Variants in CSF1R observed in about 807,000 individuals in gnomAD.
CSF1R encodes colony stimulating factor 1 receptor, also known as macrophage colony-stimulating factor 1 receptor.
CSF1R carries 40 observed loss-of-function variants against 110.0 expected under a neutral mutation model. The ratio of observed to expected loss-of-function variants is 0.36; its 90% CI spans 0.28 to 0.47. CSF1R has a LOEUF of 0.47. Among genes scored for constraint, CSF1R ranks in the 20% least tolerant of loss-of-function variants. The probability of loss-of-function intolerance (pLI) is 0.99; values close to 1 mark genes in which losing one functional copy is unlikely to be tolerated. For missense variants in CSF1R, 1,052 were observed against 1,253.0 expected, an observed-to-expected ratio of 0.84 and a Z score of 2.42; for synonymous variants, 523 against 503.4, an observed-to-expected ratio of 1.04 and a Z score of -0.52.
At position 150,061,950 on chromosome 5, in the gene CSF1R, G is replaced by A. The variant is rs990611414; in HGVS notation, c.1627-101C>T. 64 of 1,544,792 alleles carry A rather than the reference G, an allele frequency of 4.1e-5. 1 individual carries two copies. The highest frequency in any genetic ancestry group is 2.9e-4 in the Admixed American group (17 of 58,276). ...GCAGGGGTGTGGGCAGTCCCAAGGCGCCCAGTGGGAGAAGGCAGGGCAAGG... is the reference window on the plus strand; with the variant it reads ...GCAGGGGTGTGGGCAGTCCCAAGGCACCCAGTGGGAGAAGGCAGGGCAAGG... On this transcript the variant is annotated intron_variant, in intron 10 of 20. Transcript: ENST00000675795.
At chr5:150,055,209 T>C in intron 19 of CSF1R, 28 bp downstream of exon 19, 3 of 1,602,458 alleles carry the variant, frequency 1.9e-6, no homozygotes, top group Non-Finnish European at 2.6e-6. Flanking sequence ...GGGGTGTCCT[T>C]TTCCCTCCCT....
At chr5:150,099,536 G>A (rs947745394) in intron 1 of CSF1R, among the ~76,000 whole-genome samples, 6 of 152,228 alleles carry the variant, frequency 3.9e-5, no homozygotes, top group South Asian at 4.2e-4. Context: ...ACAATAGAAC[G>A]CTACTCAGCA....
intron 1 of CSF1R, among the ~76,000 whole-genome samples, chr5:150,096,616 T>C (rs968136994): frequency 1.3e-5 from 2 of 152,120 alleles, no homozygotes; most frequent in Non-Finnish European, 2.9e-5. Flanking sequence ...TAAGTATATA[T>C]AAAAAGGATA....
Position 150,057,376 on chromosome 5 carries a change from TGTCCAG to T in CSF1R, c.2224_2229del (p.Leu742_Asp743del), listed in dbSNP as rs751713758. 1 of 1,614,012 alleles carries T rather than the reference TGTCCAG, an allele frequency of 6.2e-7. No homozygotes were observed. The highest frequency in any genetic ancestry group is 1.3e-5 in the African/African-American group (1 of 75,042). ...AGCTCCAGGGGCCGTCCATCCTCCTTGTCCAGGTCTAGGGTGGGAAGAGGCGTCAGG... is the reference window on the plus strand; with the variant it reads ...AGCTCCAGGGGCCGTCCATCCTCCTTGTCTAGGGTGGGAAGAGGCGTCAGG... On this transcript the variant is annotated inframe_deletion and splice_region_variant, in exon 16 of 21. Coordinates refer to ENST00000675795, the MANE Select transcript of CSF1R (RefSeq NM_001288705.3).
intron 5 of CSF1R, among the ~76,000 whole-genome samples, chr5:150,073,858 A>G (rs1758137689): frequency 1.3e-5 from 2 of 152,164 alleles, no homozygotes; most frequent in African/African-American, 4.8e-5. Context: ...ACGTGTCCTC[A>G]TCCATTTCCC....
At chr5:150,113,192 C>A (rs1285388891) in intron 1 of CSF1R, 1 of 152,870 alleles carries the variant, frequency 6.5e-6, no homozygotes, top group Non-Finnish European at 1.5e-5. Context: ...CTGGGTCCTG[C>A]CAGGTCTACA....
At chr5:150,064,584 A>T (rs216143) in intron 10 of CSF1R, among the ~76,000 whole-genome samples, 1 of 152,084 alleles carries the variant, frequency 6.6e-6, no homozygotes, top group Non-Finnish European at 1.5e-5. Context: ...GCAACAAGGC[A>T]AGGAGGGGAT....
At chr5:150,059,101 A>G (rs1757380790) in intron 14 of CSF1R, among the ~76,000 whole-genome samples, 1 of 152,002 alleles carries the variant, frequency 6.6e-6, no homozygotes, top group South Asian at 2.1e-4. Flanking sequence ...CTGGAGTGCA[A>G]TGGTGTGATC....
chr5:150,084,182 A>G (rs576218501), intron 1 of CSF1R, among the ~76,000 whole-genome samples: 17 of 151,656 alleles, frequency 1.1e-4, no homozygotes, highest in Non-Finnish European at 2.1e-4. Context: ...ACCAAAAATA[A>G]AAAAATTAGC....
Position 150,070,024 on chromosome 5 carries a change from T to A in CSF1R, c.1359A>T (p.Pro453=). ...GCTCCTGGCTCAGGACCTCAGGGTA[T>A]GGGTCATCCCAGACCTGCAGCACTT... The part of the protein sequence containing the change: ...EAQVLQVWDD[P]YPEVLSQEPF... The change falls in exon 9 of 21, where the codon CCA becomes CCT. Residue 453 remains proline, a synonymous_variant. Transcript: ENST00000675795. 1.2e-6 allele frequency: 2 copies of A among 1,614,142 alleles called. No individual in the cohort carries two copies. The highest frequency in any genetic ancestry group is 1.7e-6 in the Non-Finnish European group (2 of 1,180,002).
chr5:150,061,655 C>T, intron 11 of CSF1R, 60 bp from the exon 12 acceptor site: 1 of 1,614,116 alleles, frequency 6.2e-7, no homozygotes, highest in South Asian at 1.1e-5. Context: ...TCCAAGGGCC[C>T]ATGGGCTCCC....
chr5:150,084,472 A>G (rs1758740344), intron 1 of CSF1R, among the ~76,000 whole-genome samples: 1 of 134,092 alleles, frequency 7.5e-6, no homozygotes, highest in African/African-American at 2.9e-5. Context: ...GAAAGGAAGG[A>G]GATGGAGTCT....
Position 150,100,915 on chromosome 5 carries a change from G to A in CSF1R, c.-181+12346C>T, listed in dbSNP as rs149325647. ...GAAATACAGCTACGCACAATTATACGCATGCTTGGTTACATGGTGGCAAAT... is the reference window on the plus strand; with the variant it reads ...GAAATACAGCTACGCACAATTATACACATGCTTGGTTACATGGTGGCAAAT... On this transcript the variant is annotated intron_variant, in intron 1 of 21. Transcript: ENST00000286301. 7.7e-4 allele frequency among the ~76,000 whole-genome samples: 117 copies of A among 152,206 alleles called. 1 individual carries two copies. Among genetic ancestry groups the A allele is most frequent in the African/African-American group, 2.6e-3 (109 of 41,534 alleles).
intron 1 of CSF1R, among the ~76,000 whole-genome samples, chr5:150,101,807 G>A (rs890671805): frequency 1.3e-5 from 2 of 151,734 alleles, no homozygotes; most frequent in African/African-American, 4.8e-5. Context: ...AAGAGTGTGT[G>A]TATACTCTTC....
intron 1 of CSF1R, among the ~76,000 whole-genome samples, chr5:150,107,766 C>A (rs565062129): frequency 1.3e-5 from 2 of 152,364 alleles, no homozygotes; most frequent in African/African-American, 2.4e-5. Flanking sequence ...AGGTCCCCGG[C>A]CTTTCAAGGC....
Position 150,054,310 on chromosome 5 carries a change from C to T in CSF1R, c.2763+12G>A. The T allele has an allele frequency of 6.2e-7, 1 of 1,614,146 alleles. No homozygotes were observed. The highest frequency in any genetic ancestry group is 8.5e-7 in the Non-Finnish European group (1 of 1,180,022). ...TTTACCGGCCACCCACCCCAAGCCT[C>T]ACCCCACTCACCCGCTCTCTCCTGT... On this transcript the variant is annotated intron_variant, in intron 20 of 20. Transcript: ENST00000675795.
At chr5:150,055,441 C>T (rs1005067758) in intron 18 of CSF1R, 105 bp from the exon 19 acceptor site, 9 of 899,548 alleles carry the variant, frequency 1.0e-5, no homozygotes, top group Non-Finnish European at 1.6e-5. Flanking sequence ...CACTTGACAA[C>T]ACTGCAACAG....
rs777889423 is a variant in CSF1R, at chr5:150,057,520, G to T, written c.2205C>A (p.Asp735Glu). ...CCTCCTCACCTTGCTCAGAGAAGGA[G>T]TCATTTGAAGAAGTGGAGACAGGCC... ...EMRPVSTSSN[D>E]SFSEQDLDKE... is the part of the protein sequence containing the mutation. Residue 735 changes from aspartate (D) to glutamate (E), a missense_variant, in exon 15 of 21, where the codon GAC becomes GAA. Asp to Glu is a conservative substitution (Grantham distance 45). Around this residue, in one of 5 missense-constraint regions of CSF1R, gnomAD observed 124 missense variants for 117.7 expected, o/e 1.05. Transcript: ENST00000675795. The T allele has an allele frequency of 6.2e-7, 1 of 1,614,216 alleles. No homozygotes were observed. Among genetic ancestry groups the T allele is most frequent in the Non-Finnish European group, 8.5e-7 (1 of 1,180,010 alleles).
At chr5:150,109,578 C>G (rs2113871769) in intron 1 of CSF1R, among the ~76,000 whole-genome samples, 1 of 152,318 alleles carries the variant, frequency 6.6e-6, no homozygotes, top group South Asian at 2.1e-4. Context: ...TGACTTTTCT[C>G]AATAAACCAA....
Sources: gnomAD v4.1 joint callset for allele counts (sites outside exome capture counted in the v4.1 genomes callset) on GRCh38, gnomAD v4.1.1 for gene constraint, gnomAD v4.1.1 regional missense constraint, MANE v1.5 for transcripts, NCBI Gene and HGNC (gene_info 2026-07-23, HGNC 2026-07-21) for gene names.